Variants in ABCC6 observed in about 807,000 individuals in gnomAD.
ABCC6 encodes the protein ATP-binding cassette sub-family C member 6.
ABCC6 carries 126 observed loss-of-function variants against 169.5 expected under a neutral mutation model. That is an observed-to-expected ratio of 0.74 (90% confidence interval 0.64 to 0.86). The LOEUF is 0.86. Ranked by LOEUF, ABCC6 falls within the 40% of genes least tolerant of loss-of-function variation. The pLI is 0.00. For missense variants in ABCC6, 1,733 were observed against 1,927.2 expected, an observed-to-expected ratio of 0.90 and a Z score of 1.89; for synonymous variants, 752 against 814.7, an observed-to-expected ratio of 0.92 and a Z score of 1.31.
chr16:16,182,925 T>A lies in ABCC6; in HGVS notation c.1949A>T (p.Asn650Ile). 2 of 1,613,710 alleles carry A rather than the reference T, an allele frequency of 1.2e-6. No individual in the cohort carries two copies. Among genetic ancestry groups the A allele is most frequent in the Non-Finnish European group, 8.5e-7 (1 of 1,179,866 alleles). Residue 650 changes from asparagine to isoleucine, a missense_variant, in exon 16 of 31, where the codon AAC becomes ATC. Coordinates refer to ENST00000205557, the MANE Select transcript of ABCC6 (RefSeq NM_001171.6). ...QESPPCLHRI[N>I]LTVPQGCLLA... ...CAGACAGCCCTGGGGCACCGTGAGG[T>A]TTATTCTGGACACGCAAGAGGGGAG...
chr16:16,173,200 C>A lies in ABCC6; in HGVS notation c.2787+84G>T, dbSNP rs1272207598. ...TGCTCAAGAAAGGTGAGTATCACTG[C>A]CAAGTGCTACATTTGGTGGGAAGAC... On this transcript the variant is annotated intron_variant, in intron 21 of 30. Transcript: ENST00000205557. The A allele has an allele frequency of 3.8e-6, 6 of 1,591,608 alleles. No homozygotes were observed. In the East Asian group the frequency reaches 1.3e-4, roughly 36 times the overall value.
chr16:16,159,430 C>G (rs1467109487), intron 26 of ABCC6, 52 bp downstream of exon 26: 8 of 1,523,776 alleles, frequency 5.3e-6, no homozygotes, highest in African/African-American at 2.8e-5. Flanking sequence ...CCCATTGCCC[C>G]CCCCCACAAT....
intron 12 of ABCC6, among the ~76,000 whole-genome samples, chr16:16,189,318 C>T (rs901469522): frequency 2.6e-5 from 4 of 151,910 alleles, no homozygotes; most frequent in African/African-American, 4.8e-5. Flanking sequence ...TTGTTCTAGA[C>T]GTGGTGGAAC....
At chr16:16,180,245 G>C (rs1303203897) in intron 17 of ABCC6, among the ~76,000 whole-genome samples, 1 of 152,206 alleles carries the variant, frequency 6.6e-6, no homozygotes, top group African/African-American at 2.4e-5. Context: ...GACTGGTGCT[G>C]ATCCATGGCC....
At chr16:16,197,226 C>T (rs1297407666) in intron 10 of ABCC6, among the ~76,000 whole-genome samples, 1 of 152,022 alleles carries the variant, frequency 6.6e-6, no homozygotes, top group African/African-American at 2.4e-5. Flanking sequence ...GGTTAACTTG[C>T]CTACTGGGTA....
chr16:16,161,976 A>T (rs1408451305), intron 24 of ABCC6, among the ~76,000 whole-genome samples: 2 of 152,040 alleles, frequency 1.3e-5, no homozygotes, highest in African/African-American at 4.8e-5. Flanking sequence ...AGTTTTCCCC[A>T]TATTGTTCTC....
intron 11 of ABCC6, among the ~76,000 whole-genome samples, chr16:16,190,863 T>TG (rs1024156577): frequency 8.3e-6 from 1 of 120,566 alleles, no homozygotes; most frequent in Admixed American, 9.3e-5. Context: ...AGGCAGAGGA[T>TG]GGGGGGATGG....
intron 18 of ABCC6, among the ~76,000 whole-genome samples, chr16:16,178,326 C>CAA (rs35724767): frequency 4.8e-5 from 7 of 146,098 alleles, no homozygotes; most frequent in East Asian, 2.0e-4. Context: ...GACTCCATCT[C>CAA]AAAAAAAAAA....
rs111429714 is a variant in ABCC6 at position 16,159,987 on chromosome 16, A to C, written c.3634-404T>G. On this transcript the variant is annotated intron_variant, in intron 25 of 30. Transcript: ENST00000205557. ...TTCCCATGACACTTAGAACCACTCCAAGCTCCTCCCTATGAGCCATTAGCA... is the reference window on the plus strand; with the variant it reads ...TTCCCATGACACTTAGAACCACTCCCAGCTCCTCCCTATGAGCCATTAGCA... Among the ~76,000 whole-genome samples the C allele has an allele frequency of 6.5e-3, 993 of 152,048 alleles. 11 individuals carry two copies. Among genetic ancestry groups the C allele is most frequent in the African/African-American group, 0.023 (937 of 41,454 alleles).
Position 16,150,571 on chromosome 16 carries a change from G to T in ABCC6, c.4403+7C>A, listed in dbSNP as rs1369860870. 3 of 1,606,092 alleles carry T rather than the reference G, an allele frequency of 1.9e-6. No individual in the cohort carries two copies. The highest frequency in any genetic ancestry group is 2.6e-6 in the Non-Finnish European group (3 of 1,174,646). On this transcript the variant is annotated splice_region_variant and intron_variant, in intron 30 of 30. Transcript: ENST00000205557. ...GCTGTGAGGTCAGGCCGGGGCGGGA[G>T]CCTTACCGGGCACAGTCCATCACGG...
At chr16:16,206,755 C>T (rs1482695631) in intron 7 of ABCC6, among the ~76,000 whole-genome samples, 10 of 152,068 alleles carry the variant, frequency 6.6e-5, no homozygotes, top group Non-Finnish European at 1.5e-4. Context: ...CTGTAATTTT[C>T]ATGTTGGCTG....
intron 11 of ABCC6, among the ~76,000 whole-genome samples, chr16:16,191,764 C>T (rs7201143): frequency 6.6e-6 from 1 of 150,728 alleles, no homozygotes; most frequent in East Asian, 2.0e-4. Flanking sequence ...ATCTTTCCTT[C>T]CCTCCCTCCT....
At chr16:16,215,438 G>GAT (rs1326389690) in intron 4 of ABCC6, among the ~76,000 whole-genome samples, 2 of 136,932 alleles carry the variant, frequency 1.5e-5, no homozygotes, top group African/African-American at 5.5e-5. Context: ...TTTAATTTTA[G>GAT]GTGTGTGTGT....
chr16:16,172,111 G>C (rs1452683832), intron 21 of ABCC6, among the ~76,000 whole-genome samples: 1 of 144,566 alleles, frequency 6.9e-6, no homozygotes, highest in Non-Finnish European at 1.5e-5. Flanking sequence ...AAATGAGTGG[G>C]TGGGATGGAT....
rs1229682585 is a variant in ABCC6, at chr16:16,199,055, C to A, written c.1177-873G>T. 3.5e-5 allele frequency among the ~76,000 whole-genome samples: 5 copies of A among 141,554 alleles called. No individual in the cohort carries two copies. In the South Asian group the frequency reaches 1.1e-3, roughly 32 times the overall value. The allele number at this position is 141,554 out of a possible 152,430, so 92.9% of individuals were successfully genotyped here. On this transcript the variant is annotated intron_variant, in intron 9 of 30. Coordinates refer to ENST00000205557, the MANE Select transcript of ABCC6 (RefSeq NM_001171.6). ...GTGGTGCGCCTGTGGTCCTAGCTAG[C>A]TACTGGGGAGGCTGAGGTGGGAGGA...
In ABCC6 at chr16:16,150,062, G is replaced by T. The variant is rs1002767460; in HGVS notation, c.*71C>A. 1.9e-6 allele frequency: 3 copies of T among 1,594,612 alleles called. No individual in the cohort carries two copies. The highest frequency in any genetic ancestry group is 2.7e-5 in the African/African-American group (2 of 74,540). On this transcript the variant is annotated 3_prime_UTR_variant, in exon 31 of 31. Transcript: ENST00000205557. The stretch of plus-strand genomic sequence containing the variant: ...ATCGTGTGGAGCTATCGATGACCAC[G>T]GGTCACTTCCATCTCCAGCACTGCA...
At chr16:16,221,363 G>GT (rs2049065375) in intron 2 of ABCC6, 1 of 1,424,562 alleles carries the variant, frequency 7.0e-7, no homozygotes, top group Admixed American at 2.9e-5. Context: ...TACATGGTAT[G>GT]TTTTGGAAAA....
intron 27 of ABCC6, among the ~76,000 whole-genome samples, chr16:16,156,794 T>C (rs1286166998): frequency 6.6e-6 from 1 of 151,630 alleles, no homozygotes; most frequent in African/African-American, 2.4e-5. Flanking sequence ...AATACAAAAA[T>C]TAGCCGGGTG....
In ABCC6 at chr16:16,163,109, C is replaced by T. The variant is rs149775493; in HGVS notation, c.3390G>A (p.Thr1130=). The T allele has an allele frequency of 5.5e-5, 88 of 1,613,720 alleles. No individual in the cohort carries two copies. Among genetic ancestry groups the T allele is most frequent in the Non-Finnish European group, 7.0e-5 (83 of 1,180,028 alleles). ...YSSVCSHMAE[T]FQGSTVVRAF... Reference sequence around the variant, plus strand: ...CCCGGACCACTGTGCTGCCCTGGAACGTCTCAGCCATGTGGGAGCAGACAG... The same window carrying T: ...CCCGGACCACTGTGCTGCCCTGGAATGTCTCAGCCATGTGGGAGCAGACAG... Residue 1130 remains threonine (T), a synonymous_variant, in exon 24 of 31, where the codon ACG becomes ACA. Transcript: ENST00000205557.
Sources: gnomAD v4.1 joint callset for allele counts (sites outside exome capture counted in the v4.1 genomes callset) on GRCh38, gnomAD v4.1.1 for gene constraint, MANE v1.5 for transcripts, NCBI Gene and HGNC (gene_info 2026-07-23, HGNC 2026-07-21) for gene names.